Variants in STAT4 observed in about 807,000 individuals in gnomAD.
The protein encoded by STAT4 is signal transducer and activator of transcription 4.
Under a neutral mutation model 110.5 loss-of-function variants are expected in STAT4, and 42 were observed. The observed-to-expected ratio is 0.38, with a 90% CI of 0.30 to 0.49. The LOEUF (loss-of-function observed/expected upper bound fraction) is 0.49. STAT4 is among the 20% of genes least tolerant of loss of function. STAT4 has a pLI of 0.95. For missense variants in STAT4, 632 were observed against 887.9 expected (o/e 0.71, Z 3.66); for synonymous variants, 284 against 302.2 (o/e 0.94, Z 0.63).
rs557800731 is a variant in STAT4, at chr2:191,066,082, A to G, written c.630+348T>C. Among the ~76,000 whole-genome samples the G allele has an allele frequency of 4.6e-5, 7 of 152,320 alleles. No homozygotes were observed. In the East Asian group the frequency reaches 1.3e-3, roughly 29 times the overall value. ...GTAGTCATCAAATACTATATTAATT[A>G]TATATGTGCAGTGGAACCCATCTCA... On this transcript the variant is annotated intron_variant, in intron 7 of 23. Coordinates refer to ENST00000392320, the MANE Select transcript of STAT4 (RefSeq NM_003151.4). The surrounding 1 kb of genome is among the most constrained non-coding windows in gnomAD (Gnocchi z 4.3).
chr2:191,040,382 A>T (rs1696156451), intron 15 of STAT4, among the ~76,000 whole-genome samples: 1 of 152,164 alleles, frequency 6.6e-6, no homozygotes, highest in Non-Finnish European at 1.5e-5. Flanking sequence ...TACTACAAAA[A>T]AAAGAAAATA....
rs1427152553 is a variant in STAT4, at chr2:191,051,396, C to A, written c.1251+3094G>T. On this transcript the variant is annotated intron_variant, in intron 14 of 23. Coordinates refer to ENST00000392320, the MANE Select transcript of STAT4 (RefSeq NM_003151.4). The surrounding 1 kb of genome is among the most constrained non-coding windows in gnomAD (Gnocchi z 5.6). Reference sequence around the variant, plus strand: ...TCACACACAGCTCATTCAGTCCTCACAACAACCCTTAGAAGTGTAGGTTAA... The same window carrying A: ...TCACACACAGCTCATTCAGTCCTCAAAACAACCCTTAGAAGTGTAGGTTAA... 6.6e-6 allele frequency among the ~76,000 whole-genome samples: 1 copy of A among 152,232 alleles called. No homozygotes were observed. Among genetic ancestry groups the A allele is most frequent in the East Asian group, 1.9e-4 (1 of 5,202 alleles).
rs1699304525 is a variant in STAT4, at chr2:191,140,926, T to G, written c.273+5687A>C. 6.6e-6 allele frequency among the ~76,000 whole-genome samples: 1 copy of G among 152,160 alleles called. No individual in the cohort carries two copies. Among genetic ancestry groups the G allele is most frequent in the Non-Finnish European group, 1.5e-5 (1 of 68,044 alleles). On this transcript the variant is annotated intron_variant, in intron 3 of 23. Transcript: ENST00000392320. This position sits in a 1 kb window ranked among gnomAD's most constrained non-coding sequence, Gnocchi z 4.4. ...TCAGCCATAAAAAGGAATGAAATAATGTCTTTTGCAGCAACCTGGATAAAA... is the reference window on the plus strand; with the variant it reads ...TCAGCCATAAAAAGGAATGAAATAAGGTCTTTTGCAGCAACCTGGATAAAA...
intron 3 of STAT4, among the ~76,000 whole-genome samples, chr2:191,092,684 T>A (rs1021837454): frequency 6.6e-6 from 1 of 152,116 alleles, no homozygotes; most frequent in African/African-American, 2.4e-5. Flanking sequence ...GTTCATCTCA[T>A]TGGGACTGGT....
intron 3 of STAT4, among the ~76,000 whole-genome samples, chr2:191,119,811 G>A (rs1205060726): frequency 1.3e-5 from 2 of 152,180 alleles, no homozygotes; most frequent in Non-Finnish European, 2.9e-5. Flanking sequence ...TGGTATAGGT[G>A]CAGGGAGAGA....
At chr2:191,036,407 A>C (rs907515483) in intron 16 of STAT4, 108 bp from the exon 17 acceptor site, 1 of 1,159,142 alleles carries the variant, frequency 8.6e-7, no homozygotes, top group Non-Finnish European at 1.2e-6. Context: ...ACATACTAGG[A>C]GTGTTGGGTG....
At chr2:191,069,270 T>C (rs1697078900) in intron 6 of STAT4, among the ~76,000 whole-genome samples, 2 of 152,132 alleles carry the variant, frequency 1.3e-5, no homozygotes, top group Non-Finnish European at 2.9e-5. Context: ...CACATTTCTA[T>C]TTTATAATCT....
At position 191,135,949 on chromosome 2, in the gene STAT4, T is replaced by C. The variant is rs1485882427; in HGVS notation, c.273+10664A>G. Reference sequence around the variant, plus strand: ...ACTACAGGCCAATATCCCTGATGAATACTGATGCAAAATTTGTCAACAAAA... The same window carrying C: ...ACTACAGGCCAATATCCCTGATGAACACTGATGCAAAATTTGTCAACAAAA... On this transcript the variant is annotated intron_variant, in intron 3 of 23. Coordinates refer to ENST00000392320, the MANE Select transcript of STAT4 (RefSeq NM_003151.4). The surrounding 1 kb of genome is among the most constrained non-coding windows in gnomAD (Gnocchi z 4.8). 7.0e-6 allele frequency among the ~76,000 whole-genome samples: 1 copy of C among 142,610 alleles called. No individual in the cohort carries two copies. Among genetic ancestry groups the C allele is most frequent in the Non-Finnish European group, 1.5e-5 (1 of 66,638 alleles). The allele number at this position is 142,610 out of a possible 152,430, so 93.6% of individuals were successfully genotyped here.
intron 3 of STAT4, among the ~76,000 whole-genome samples, chr2:191,105,016 C>G (rs1698239543): frequency 6.6e-6 from 1 of 152,194 alleles, no homozygotes; most frequent in African/African-American, 2.4e-5. Flanking sequence ...TTTTTAGATT[C>G]ATCACAGGTT....
intron 3 of STAT4, among the ~76,000 whole-genome samples, chr2:191,078,736 C>T (rs927475918): frequency 6.6e-6 from 1 of 152,150 alleles, no homozygotes; most frequent in African/African-American, 2.4e-5. Flanking sequence ...GTATCAGTTT[C>T]TCATGCAAAT....
At position 191,061,948 on chromosome 2, in the gene STAT4, C is replaced by A; in HGVS notation, c.942-127G>T. ...TCTACACTTAGAAGATATTCAAACCCCCAATTAAACTCAAATCTTTACAAT... is the reference window on the plus strand; with the variant it reads ...TCTACACTTAGAAGATATTCAAACCACCAATTAAACTCAAATCTTTACAAT... On this transcript the variant is annotated intron_variant, in intron 9 of 23. Coordinates refer to ENST00000392320, the MANE Select transcript of STAT4 (RefSeq NM_003151.4). This position sits in a 1 kb window ranked among gnomAD's most constrained non-coding sequence, Gnocchi z 6.2. 1 of 746,650 alleles carries A rather than the reference C, an allele frequency of 1.3e-6. No individual in the cohort carries two copies. Among genetic ancestry groups the A allele is most frequent in the Non-Finnish European group, 2.3e-6 (1 of 433,868 alleles). 46.3% of individuals were successfully genotyped at this position (746,650 alleles called of 1,614,324 possible).
rs1345270499 is a variant in STAT4 at position 191,043,390 on chromosome 2, C to T, written c.1252-2242G>A. Reference sequence around the variant, plus strand: ...CTGCAGCAACAAACTAACACAAGTTCTGGAAAGAGAACAGAGAAAATGGAG... The same window carrying T: ...CTGCAGCAACAAACTAACACAAGTTTTGGAAAGAGAACAGAGAAAATGGAG... On this transcript the variant is annotated intron_variant, in intron 14 of 23. Coordinates refer to ENST00000392320, the MANE Select transcript of STAT4 (RefSeq NM_003151.4). The surrounding 1 kb of genome is among the most constrained non-coding windows in gnomAD (Gnocchi z 4.8). Among the ~76,000 whole-genome samples the T allele has an allele frequency of 2.0e-5, 3 of 152,036 alleles. No homozygotes were observed.
intron 3 of STAT4, among the ~76,000 whole-genome samples, chr2:191,081,419 T>G (rs1316550024): frequency 6.6e-6 from 1 of 152,248 alleles, no homozygotes; most frequent in Non-Finnish European, 1.5e-5. Flanking sequence ...ATTGTCACAC[T>G]GTCTTCCACA....
chr2:191,073,741 A>G (rs1403476606), intron 4 of STAT4, among the ~76,000 whole-genome samples: 1 of 152,256 alleles, frequency 6.6e-6, no homozygotes, highest in Non-Finnish European at 1.5e-5. Flanking sequence ...AAACATATAT[A>G]TATGATCTCT....
rs1695887774 is a variant in STAT4 at position 191,031,371 on chromosome 2, G to C, written c.2111+79C>G. The C allele has an allele frequency of 7.2e-7, 1 of 1,388,178 alleles. No homozygotes were observed. The highest frequency in any genetic ancestry group is 1.3e-5 in the South Asian group (1 of 78,780). 86.0% of individuals were successfully genotyped at this position (1,388,178 alleles called of 1,614,324 possible). A position where few individuals can be genotyped will look rare whatever the true frequency, so the allele number is the denominator to read the frequency against. On this transcript the variant is annotated intron_variant, in intron 22 of 23. Coordinates refer to ENST00000392320, the MANE Select transcript of STAT4 (RefSeq NM_003151.4). This position sits in a 1 kb window ranked among gnomAD's most constrained non-coding sequence, Gnocchi z 4.8. Reference sequence around the variant, plus strand: ...ATTACAATGCTTTGTTCTCAGTTATGTGTACTCTGCTCTACCTTTAAATCT... The same window carrying C: ...ATTACAATGCTTTGTTCTCAGTTATCTGTACTCTGCTCTACCTTTAAATCT...
rs775485683 is a variant in STAT4, at chr2:191,034,532, C to T, written c.1620+16G>A. 1.2e-6 allele frequency: 2 copies of T among 1,602,728 alleles called. No homozygotes were observed. Among genetic ancestry groups the T allele is most frequent in the East Asian group, 2.2e-5 (1 of 44,802 alleles). ...AAAAAAATGTATCTAAATGATGTTT[C>T]CCCGACCGTTTGTACCTTGCAGAAC... On this transcript the variant is annotated intron_variant, in intron 18 of 23. Coordinates refer to ENST00000392320, the MANE Select transcript of STAT4 (RefSeq NM_003151.4).
At chr2:191,092,879 A>G (rs762486263) in intron 3 of STAT4, among the ~76,000 whole-genome samples, 8 of 152,166 alleles carry the variant, frequency 5.3e-5, no homozygotes, top group Middle Eastern at 3.2e-3. Context: ...AGCAACTGGC[A>G]CACTGGGAGA....
intron 3 of STAT4, among the ~76,000 whole-genome samples, chr2:191,126,336 T>C (rs1442492439): frequency 6.6e-6 from 1 of 151,800 alleles, no homozygotes; most frequent in African/African-American, 2.4e-5. Flanking sequence ...GGCTTTCTTA[T>C]AGGTCTTCAT....
rs1335109291 is a variant in STAT4 at position 191,039,234 on chromosome 2, T to C, written c.1399A>G (p.Ile467Val). The C allele has an allele frequency of 1.9e-6, 3 of 1,614,054 alleles. No individual in the cohort carries two copies. In the South Asian group the frequency reaches 3.3e-5, roughly 18 times the overall value. Residue 467 changes from isoleucine (I) to valine (V), a missense_variant, in exon 16 of 24, where the codon ATC becomes GTC. Ile to Val is a conservative substitution (Grantham distance 29). Around this residue, in one of 4 missense-constraint regions of STAT4, gnomAD observed 488 missense variants for 632.8 expected, o/e 0.77. Transcript: ENST00000392320. This position sits in a 1 kb window ranked among gnomAD's most constrained non-coding sequence, Gnocchi z 4.7. The stretch of plus-strand genomic sequence containing the variant: ...TTGGTTGACACGTTGTACCAAATGA[T>C]GGATGCCCAAGCATTAGGTAACTGA... ...VSQLPNAWASIIWYNVSTNDS... is the reference protein window; with the variant it reads ...VSQLPNAWASVIWYNVSTNDS...
Sources: allele counts gnomAD v4.1 joint callset (sites outside exome capture counted in the v4.1 genomes callset), GRCh38; gene constraint gnomAD v4.1.1; regional missense constraint gnomAD v4.1.1; non-coding constraint Gnocchi (gnomAD v3.1); transcripts MANE v1.5; gene names NCBI Gene and HGNC (gene_info 2026-07-23, HGNC 2026-07-21).